Variants in KHDRBS2 observed in about 807,000 individuals in gnomAD.
KHDRBS2 encodes KH domain-containing, RNA-binding, signal transduction-associated protein 2.
A neutral mutation model predicts 44.3 loss-of-function variants in KHDRBS2; 26 were observed. That is an observed-to-expected ratio of 0.59 (90% CI 0.43 to 0.81). KHDRBS2 has a LOEUF of 0.81. Among genes scored for constraint, KHDRBS2 ranks in the 40% least tolerant of loss-of-function variants. The pLI, the probability that KHDRBS2 is intolerant of heterozygous loss-of-function variation, is 0.00. For synonymous variants in KHDRBS2, 194 were observed against 151.1 expected (o/e 1.28, Z -2.08); for missense variants, 476 against 433.1 (o/e 1.10, Z -0.88).
chr6:62,169,498 C>T (rs1193461748), intron 2 of KHDRBS2, among the ~76,000 whole-genome samples: 2 of 151,978 alleles, frequency 1.3e-5, no homozygotes, highest in Non-Finnish European at 2.9e-5. Context: ...ACTGACCCAA[C>T]GAGCTGATCA....
chr6:61,569,881 C>T, the KHDRBS2 span, among the ~76,000 whole-genome samples: 1 of 152,184 alleles, frequency 6.6e-6, no homozygotes, highest in Non-Finnish European at 1.5e-5. Flanking sequence ...AAGACGAGAA[C>T]ACCATGCCAA....
intron 2 of KHDRBS2, among the ~76,000 whole-genome samples, chr6:62,136,653 T>A (rs188175409): frequency 1.5e-3 from 233 of 152,312 alleles, no homozygotes; most frequent in African/African-American, 4.1e-3. Flanking sequence ...GAAAATCAAT[T>A]ACAATGTAAG....
intron 4 of KHDRBS2, among the ~76,000 whole-genome samples, 154 bp downstream of exon 4, chr6:61,977,912 G>T (rs575406913): frequency 1.3e-5 from 2 of 152,080 alleles, no homozygotes; most frequent in African/African-American, 4.8e-5. Flanking sequence ...AGTGGTTTTG[G>T]TATCCTATTT....
intron 3 of KHDRBS2, among the ~76,000 whole-genome samples, chr6:62,017,557 GT>G (rs1276506137): frequency 3.3e-5 from 5 of 152,016 alleles, no homozygotes; most frequent in African/African-American, 1.2e-4. Context: ...CTTAAAAAAT[GT>G]TGTATTCTGA....
At chr6:62,080,302 C>T (rs1797149574) in intron 2 of KHDRBS2, among the ~76,000 whole-genome samples, 1 of 152,028 alleles carries the variant, frequency 6.6e-6, no homozygotes, top group African/African-American at 2.4e-5. Flanking sequence ...GATGCACAAA[C>T]CTCTATAGAC....
At chr6:62,000,977 G>C (rs188349208) in intron 3 of KHDRBS2, among the ~76,000 whole-genome samples, 3 of 152,224 alleles carry the variant, frequency 2.0e-5, no homozygotes, top group Non-Finnish European at 4.4e-5. Context: ...TTAAGAACAG[G>C]AAGGTGCTGT....
intron 2 of KHDRBS2, among the ~76,000 whole-genome samples, chr6:62,159,413 T>A (rs1431452285): frequency 6.6e-6 from 1 of 152,154 alleles, no homozygotes; most frequent in African/African-American, 2.4e-5. Flanking sequence ...TTCGGAGTAC[T>A]CATGATGTCA....
chr6:61,918,075 T>C (rs2127356910), intron 4 of KHDRBS2, among the ~76,000 whole-genome samples: 1 of 152,070 alleles, frequency 6.6e-6, no homozygotes, highest in East Asian at 1.9e-4. Context: ...TGGAGGATTA[T>C]TACCCCATTT....
intron 6 of KHDRBS2, among the ~76,000 whole-genome samples, chr6:61,746,053 G>T (rs946835655): frequency 1.5e-5 from 2 of 131,042 alleles, no homozygotes; most frequent in Non-Finnish European, 3.6e-5. Context: ...TTTTAGTTTA[G>T]TTTAGTTTAG....
chr6:62,201,692 T>G (rs1218531823), intron 1 of KHDRBS2, among the ~76,000 whole-genome samples: 2 of 152,088 alleles, frequency 1.3e-5, no homozygotes, highest in Admixed American at 1.3e-4. Context: ...GTTCCATGAC[T>G]TTAAAAGACC....
intron 4 of KHDRBS2, among the ~76,000 whole-genome samples, chr6:61,956,821 AT>A (rs1371660648): frequency 2.6e-5 from 4 of 152,098 alleles, no homozygotes; most frequent in African/African-American, 9.7e-5. Flanking sequence ...AACAAATAAT[AT>A]CTCATTTGAT....
At chr6:62,098,178 T>C (rs57670257) in intron 2 of KHDRBS2, among the ~76,000 whole-genome samples, 3,334 of 152,034 alleles carry the variant, frequency 0.022, 130 homozygotes, top group African/African-American at 0.075. Context: ...ACAATGTCTA[T>C]AGTATAGGAG....
chr6:62,169,048 T>TATATATATATATATATAC (rs1819296239), intron 2 of KHDRBS2, among the ~76,000 whole-genome samples: 1 of 140,594 alleles, frequency 7.1e-6, no homozygotes, highest in African/African-American at 2.6e-5. Flanking sequence ...TATATATATA[T>TATATATATATATATATAC]ATATATATAT....
At chr6:61,912,602 A>T (rs1006633180) in intron 4 of KHDRBS2, among the ~76,000 whole-genome samples, 2 of 152,138 alleles carry the variant, frequency 1.3e-5, no homozygotes, top group African/African-American at 4.8e-5. Context: ...AGCAACTGGT[A>T]CAACTAGGTT....
At chr6:62,017,153 T>C (rs1781362018) in intron 3 of KHDRBS2, among the ~76,000 whole-genome samples, 1 of 152,170 alleles carries the variant, frequency 6.6e-6, no homozygotes, top group Non-Finnish European at 1.5e-5. Flanking sequence ...TCTTTCTTCC[T>C]AATCTTCAGA....
intron 6 of KHDRBS2, among the ~76,000 whole-genome samples, chr6:61,866,815 C>T (rs1797869800): frequency 6.6e-6 from 1 of 152,180 alleles, no homozygotes; most frequent in Non-Finnish European, 1.5e-5. Flanking sequence ...CAAAATGCTG[C>T]CAGTCTCTTT....
intron 4 of KHDRBS2, among the ~76,000 whole-genome samples, chr6:61,946,444 A>AT (rs556988525): frequency 0.011 from 1,624 of 152,216 alleles, 11 homozygotes; most frequent in Non-Finnish European, 0.015. Context: ...CTCTTTTACA[A>AT]TTGTTTTTAA....
At chr6:61,597,737 TATATATATATATATATATATAC>T in the KHDRBS2 span, among the ~76,000 whole-genome samples, 4 of 38,294 alleles carry the variant, frequency 1.0e-4, no homozygotes, top group African/African-American at 6.5e-4. Flanking sequence ...ACCTTTTATA[TATATATATATATATATATATAC>T]ATATATATAT....
At chr6:61,963,362 C>T (rs1446298708) in intron 4 of KHDRBS2, among the ~76,000 whole-genome samples, 1 of 152,040 alleles carries the variant, frequency 6.6e-6, no homozygotes, top group East Asian at 1.9e-4. Context: ...ACTCACTTTA[C>T]AAAAGCTGAA....
Sources: allele counts gnomAD v4.1 joint callset (sites outside exome capture counted in the v4.1 genomes callset), GRCh38; gene constraint gnomAD v4.1.1; transcripts MANE v1.5; gene names NCBI Gene and HGNC (gene_info 2026-07-23, HGNC 2026-07-21).